The following YLPM1 variants were observed in gnomAD, a reference collection of about 807,000 sequenced individuals.
The protein encoded by YLPM1 is YLP motif containing 1, also known as YLP motif-containing protein 1.
YLPM1 carries 99 observed loss-of-function variants against 230.0 expected under a neutral mutation model. The observed-to-expected ratio is 0.43, with a 90% CI of 0.37 to 0.51. YLPM1 has a LOEUF of 0.51. Ranked by LOEUF, YLPM1 falls within the 20% of genes least tolerant of loss-of-function variation. The pLI is 0.00. For synonymous variants in YLPM1, 984 were observed against 942.5 expected, an observed-to-expected ratio of 1.04 and a Z score of -0.81; for missense variants, 2,592 against 2,707.7, an observed-to-expected ratio of 0.96 and a Z score of 0.95.
chr14:74,781,597 T>C lies in YLPM1; in HGVS notation c.1554T>C (p.Pro518=), dbSNP rs2091092795. Residue 518 remains proline (P), a synonymous_variant, in exon 4 of 21, where the codon CCT becomes CCC. Transcript: ENST00000325680. ...NQYMGNMSMP[P]PFVPYSQMPP... ...ATATGGGGAACATGTCAATGCCACC[T>C]CCTTTTGTTCCATATTCTCAGATGC... The C allele has an allele frequency of 6.2e-7, 1 of 1,613,850 alleles. No individual in the cohort carries two copies. Among genetic ancestry groups the C allele is most frequent in the Non-Finnish European group, 8.5e-7 (1 of 1,179,904 alleles).
intron 4 of YLPM1, among the ~76,000 whole-genome samples, chr14:74,787,398 A>C (rs541325870): frequency 6.6e-6 from 1 of 152,086 alleles, no homozygotes; most frequent in East Asian, 1.9e-4. Context: ...CCCCAGCTCT[A>C]CCAAAAATAC....
chr14:74,795,505 A>G (rs2140105516), intron 4 of YLPM1, among the ~76,000 whole-genome samples: 1 of 152,314 alleles, frequency 6.6e-6, no homozygotes, highest in East Asian at 1.9e-4. Context: ...GAAACCTTGG[A>G]ATCATCTTAA....
Position 74,766,444 on chromosome 14 carries a change from T to C in YLPM1, c.873+2082T>C, listed in dbSNP as rs147692142. On this transcript the variant is annotated intron_variant, in intron 1 of 20. Coordinates refer to ENST00000325680, the MANE Select transcript of YLPM1 (RefSeq NM_019589.3). Reference sequence around the variant, plus strand: ...CATTGAGATTCAACAGCTATCAAGATTTTGCCATGTTTACTTCACCTAGGC... The same window carrying C: ...CATTGAGATTCAACAGCTATCAAGACTTTGCCATGTTTACTTCACCTAGGC... 9.2e-5 allele frequency among the ~76,000 whole-genome samples: 14 copies of C among 152,240 alleles called. No homozygotes were observed. In the East Asian group the frequency reaches 2.7e-3, roughly 29 times the overall value.
intron 17 of YLPM1, chr14:74,823,894 A>G (rs2091542910): frequency 6.0e-6 from 1 of 166,256 alleles, no homozygotes; most frequent in African/African-American, 2.4e-5. Flanking sequence ...TAGTATTACA[A>G]ATTCTCTGAT....
At chr14:74,785,895 A>G (rs148067718) in intron 4 of YLPM1, among the ~76,000 whole-genome samples, 39 of 152,330 alleles carry the variant, frequency 2.6e-4, no homozygotes, top group African/African-American at 7.9e-4. Context: ...GACACTGTGT[A>G]TATCATTGGA....
intron 6 of YLPM1, among the ~76,000 whole-genome samples, chr14:74,808,750 G>A (rs2091403674): frequency 6.6e-6 from 1 of 150,726 alleles, no homozygotes; most frequent in Non-Finnish European, 1.5e-5. Context: ...GTGGCAGTGA[G>A]CTGAGATCGC....
intron 6 of YLPM1, 48 bp downstream of exon 6, chr14:74,802,724 T>C: frequency 1.3e-6 from 2 of 1,503,244 alleles, no homozygotes; most frequent in Non-Finnish European, 8.9e-7. Context: ...CTACTTTGTA[T>C]GTTTCTATGT....
At chr14:74,801,049 C>G (rs1273071590) in intron 5 of YLPM1, among the ~76,000 whole-genome samples, 1 of 152,144 alleles carries the variant, frequency 6.6e-6, no homozygotes, top group African/African-American at 2.4e-5. Flanking sequence ...GAATACCAAG[C>G]TGATTGGTGT....
At chr14:74,786,361 CAAAAA>C (rs57016882) in intron 4 of YLPM1, among the ~76,000 whole-genome samples, 10 of 80,196 alleles carry the variant, frequency 1.2e-4, no homozygotes, top group Non-Finnish European at 2.1e-4. Flanking sequence ...GACTCCGTCT[CAAAAA>C]AAAAAAAAAA....
At position 74,797,983 on chromosome 14, in the gene YLPM1, G is replaced by C. The variant is rs1156891275; in HGVS notation, c.2686G>C (p.Ala896Pro). 1.2e-6 allele frequency: 2 copies of C among 1,613,674 alleles called. No homozygotes were observed. The highest frequency in any genetic ancestry group is 1.7e-6 in the Non-Finnish European group (2 of 1,179,750). The change falls in exon 5 of 21, where the codon GCT becomes CCT. Residue 896 changes from alanine (A) to proline (P), a missense_variant. By Grantham distance (27) the Ala-to-Pro change is conservative (BLOSUM62 -1). Coordinates refer to ENST00000325680, the MANE Select transcript of YLPM1 (RefSeq NM_019589.3). ...IAADVKDVKA[A>P]QSNENLSDSQ... Reference sequence around the variant, plus strand: ...TGCAGATGTAAAGGATGTCAAGGCGGCTCAGTCAAATGAGAATCTAAGCGA... The same window carrying C: ...TGCAGATGTAAAGGATGTCAAGGCGCCTCAGTCAAATGAGAATCTAAGCGA...
chr14:74,770,660 G>C (rs1301527219), intron 1 of YLPM1, among the ~76,000 whole-genome samples: 1 of 152,054 alleles, frequency 6.6e-6, no homozygotes. Flanking sequence ...AAATTAACCA[G>C]AAGTTAGAAT....
chr14:74,798,301 C>G lies in YLPM1; in HGVS notation c.3004C>G (p.Arg1002Gly), dbSNP rs185880959. The G allele has an allele frequency of 1.4e-5, 22 of 1,613,754 alleles. No homozygotes were observed. The highest frequency in any genetic ancestry group is 1.9e-5 in the Non-Finnish European group (22 of 1,179,884). ...SENNQDKGLP[R>G]PDNRDNRLEG... The stretch of plus-strand genomic sequence containing the variant: ...AAACAACCAAGATAAAGGCCTGCCT[C>G]GGCCAGATAATAGAGATAATAGATT... The change falls in exon 5 of 21, where the codon CGG becomes GGG. Residue 1002 changes from arginine to glycine, a missense_variant. Around this residue, in one of 4 missense-constraint regions of YLPM1, gnomAD observed 1,862 missense variants for 1,819.8 expected, o/e 1.02. Coordinates refer to ENST00000325680, the MANE Select transcript of YLPM1 (RefSeq NM_019589.3).
In YLPM1 at chr14:74,799,625, G is replaced by A. The variant is rs1335795913; in HGVS notation, c.4328G>A (p.Gly1443Glu). Reference sequence around the variant, plus strand: ...AGCTTAGACTCTGACCAAGGCCTTGGAGGGGTAATGGTTCTCAGTCAGAGG... The same window carrying A: ...AGCTTAGACTCTGACCAAGGCCTTGAAGGGGTAATGGTTCTCAGTCAGAGG... ...DASLDSDQGLGGVMVLSQRQH... is the reference protein window; with the variant it reads ...DASLDSDQGLEGVMVLSQRQH... Residue 1443 changes from glycine to glutamate, a missense_variant, in exon 5 of 21, where the codon GGA (glycine) becomes GAA (glutamate). Around this residue, in one of 4 missense-constraint regions of YLPM1, gnomAD observed 1,862 missense variants for 1,819.8 expected, o/e 1.02. Coordinates refer to ENST00000325680, the MANE Select transcript of YLPM1 (RefSeq NM_019589.3). The A allele has an allele frequency of 6.2e-7, 1 of 1,613,846 alleles. No individual in the cohort carries two copies.
At chr14:74,778,987 T>C (rs1176333494) in intron 2 of YLPM1, among the ~76,000 whole-genome samples, 3 of 152,102 alleles carry the variant, frequency 2.0e-5, no homozygotes, top group Non-Finnish European at 2.9e-5. Flanking sequence ...ATGACAGGCA[T>C]GCACCACCAT....
chr14:74,769,718 G>A (rs1477557647), intron 1 of YLPM1, among the ~76,000 whole-genome samples: 1 of 151,308 alleles, frequency 6.6e-6, no homozygotes, highest in Non-Finnish European at 1.5e-5. Flanking sequence ...CTGCCACGCC[G>A]GGCCTGTAAA....
intron 4 of YLPM1, among the ~76,000 whole-genome samples, chr14:74,794,407 C>G (rs1166656934): frequency 6.6e-6 from 1 of 152,198 alleles, no homozygotes; most frequent in Non-Finnish European, 1.5e-5. Context: ...GTCTCTAACT[C>G]CTGACCTCAA....
At chr14:74,795,993 A>G in intron 4 of YLPM1, among the ~76,000 whole-genome samples, 1 of 152,240 alleles carries the variant, frequency 6.6e-6, no homozygotes, top group East Asian at 1.9e-4. Context: ...CTTTAAGGGG[A>G]CAACCCAGAA....
At chr14:74,832,292 C>T (rs1392069027) in intron 19 of YLPM1, among the ~76,000 whole-genome samples, 1 of 152,148 alleles carries the variant, frequency 6.6e-6, no homozygotes, top group Non-Finnish European at 1.5e-5. Context: ...TTATTCATTC[C>T]ATATGTTGAA....
At chr14:74,818,072 T>A (rs2091493431) in intron 15 of YLPM1, among the ~76,000 whole-genome samples, 159 bp from the exon 16 acceptor site, 1 of 151,834 alleles carries the variant, frequency 6.6e-6, no homozygotes, top group Admixed American at 6.6e-5. Flanking sequence ...AAAAAGAAAT[T>A]AGCCCATTAG....
Sources: allele counts gnomAD v4.1 joint callset (sites outside exome capture counted in the v4.1 genomes callset), GRCh38; gene constraint gnomAD v4.1.1; regional missense constraint gnomAD v4.1.1; transcripts MANE v1.5; gene names NCBI Gene and HGNC (gene_info 2026-07-23, HGNC 2026-07-21).